CWC27: variants seen among roughly 807,000 people sequenced by gnomAD.
The protein encoded by CWC27 is spliceosome-associated protein CWC27 homolog.
CWC27 carries 47 observed loss-of-function variants against 63.6 expected under a neutral mutation model. That is an observed-to-expected ratio of 0.74 (90% CI 0.58 to 0.94). The LOEUF (loss-of-function observed/expected upper bound fraction) is 0.94, where lower values mean the gene tolerates loss of function less well. CWC27 is among the 40% of genes least tolerant of loss of function. The pLI, the probability that CWC27 is intolerant of heterozygous loss-of-function variation, is 0.00. For synonymous variants in CWC27, 175 were observed against 179.8 expected, an observed-to-expected ratio of 0.97 and a Z score of 0.22; for missense variants, 495 against 554.3, an observed-to-expected ratio of 0.89 and a Z score of 1.07.
chr5:64,823,081 A>G (rs1371230170), intron 10 of CWC27, among the ~76,000 whole-genome samples: 2 of 152,178 alleles, frequency 1.3e-5, no homozygotes, highest in Admixed American at 1.3e-4. Context: ...GAGTAAACCA[A>G]TTTTTCTGAA....
chr5:64,991,276 A>T (rs1329269547), intron 13 of CWC27, among the ~76,000 whole-genome samples: 1 of 151,892 alleles, frequency 6.6e-6, no homozygotes, highest in East Asian at 1.9e-4. Context: ...GTGGGTAGTA[A>T]CCTGCCAGAG....
At chr5:64,963,886 G>T (rs1318314721) in intron 11 of CWC27, among the ~76,000 whole-genome samples, 1 of 152,218 alleles carries the variant, frequency 6.6e-6, no homozygotes, top group Non-Finnish European at 1.5e-5. Flanking sequence ...GGGTATAACA[G>T]GAGGTGGTAT....
intron 12 of CWC27, among the ~76,000 whole-genome samples, chr5:64,974,167 G>C (rs1382834923): frequency 1.3e-5 from 2 of 151,972 alleles, no homozygotes; most frequent in Non-Finnish European, 2.9e-5. Flanking sequence ...GAGCCCAGTA[G>C]GTCGACGCTG....
chr5:65,018,573 T>C lies in CWC27; in HGVS notation c.*252T>C, dbSNP rs1750092143. 7.0e-6 allele frequency: 2 copies of C among 285,274 alleles called. No individual in the cohort carries two copies. Among genetic ancestry groups the C allele is most frequent in the Admixed American group, 1.1e-4 (2 of 18,724 alleles). 17.7% of individuals were successfully genotyped at this position (285,274 alleles called of 1,614,324 possible). ...AAATCTGAAATAAAATAACTTTCCTTCCACATTACATGTTAACCATTGCAG... is the reference window on the plus strand; with the variant it reads ...AAATCTGAAATAAAATAACTTTCCTCCCACATTACATGTTAACCATTGCAG... On this transcript the variant is annotated 3_prime_UTR_variant, in exon 14 of 14. Coordinates refer to ENST00000381070, the MANE Select transcript of CWC27 (RefSeq NM_005869.4).
At chr5:64,807,504 A>G (rs1744724288) in intron 10 of CWC27, 1 of 1,399,588 alleles carries the variant, frequency 7.1e-7, no homozygotes, top group African/African-American at 1.5e-5. Context: ...CTCTCCTTAG[A>G]GAATCGGCAC....
intron 8 of CWC27, among the ~76,000 whole-genome samples, chr5:64,800,947 C>G (rs1744465483): frequency 6.6e-6 from 1 of 151,992 alleles, no homozygotes; most frequent in African/African-American, 2.4e-5. Flanking sequence ...TTCTTAATAC[C>G]CTTCTATTTG....
chr5:64,782,113 A>G, intron 3 of CWC27, 80 bp downstream of exon 3: 1 of 717,850 alleles, frequency 1.4e-6, no homozygotes, highest in Non-Finnish European at 2.2e-6. Context: ...TTAATCGAAA[A>G]TGATTGTGTT....
chr5:64,843,217 A>G (rs1745891116), intron 10 of CWC27, among the ~76,000 whole-genome samples: 1 of 152,240 alleles, frequency 6.6e-6, no homozygotes, highest in African/African-American at 2.4e-5. Flanking sequence ...GAACTCTGAG[A>G]TTTTCTAAGA....
At position 64,985,082 on chromosome 5, in the gene CWC27, G is replaced by A. The variant is rs573416178; in HGVS notation, c.1256+7844G>A. 1.1e-3 allele frequency among the ~76,000 whole-genome samples: 172 copies of A among 152,238 alleles called. 2 individuals carry two copies. The highest frequency in any genetic ancestry group is 4.0e-3 in the African/African-American group (166 of 41,548). ...TTTGCAATTTTGTCAAACACAGTTG[G>A]CTATATTAATATGGGTCTTTTCTTG... On this transcript the variant is annotated intron_variant, in intron 13 of 13. Coordinates refer to ENST00000381070, the MANE Select transcript of CWC27 (RefSeq NM_005869.4).
chr5:64,979,199 C>T (rs1426254989), intron 13 of CWC27, among the ~76,000 whole-genome samples: 1 of 152,120 alleles, frequency 6.6e-6, no homozygotes, highest in African/African-American at 2.4e-5. Flanking sequence ...GGCTAATTCT[C>T]CATTGGGAGA....
Position 64,781,948 on chromosome 5 carries a change from G to T in CWC27, c.167G>T (p.Arg56Ile). Residue 56 changes from arginine (R) to isoleucine (I), a missense_variant, in exon 3 of 14, where the codon AGA becomes ATA. Transcript: ENST00000381070. ...TATTATGACAATACCATTTTTCATA[G>T]AGTTGTGCCTGGTTTCATAGTCCAA... ...EAYYDNTIFH[R>I]VVPGFIVQGG... 6.3e-7 allele frequency: 1 copy of T among 1,589,642 alleles called. No individual in the cohort carries two copies. The highest frequency in any genetic ancestry group is 8.6e-7 in the Non-Finnish European group (1 of 1,163,496).
At chr5:64,974,365 G>A (rs1367534463) in intron 12 of CWC27, among the ~76,000 whole-genome samples, 3 of 152,186 alleles carry the variant, frequency 2.0e-5, no homozygotes, top group Non-Finnish European at 2.9e-5. Flanking sequence ...GTTCCACCTG[G>A]CTGAGGAGGT....
At chr5:64,874,154 C>CTTTTTTTTTTTTTTTTT (rs748768571) in intron 10 of CWC27, among the ~76,000 whole-genome samples, 2 of 48,776 alleles carry the variant, frequency 4.1e-5, no homozygotes, top group African/African-American at 8.6e-5. Flanking sequence ...ATTGTTGATG[C>CTTTTTTTTTTTTTTTTT]TTTTTTTTTT....
chr5:64,845,199 C>T (rs548882439), intron 10 of CWC27, among the ~76,000 whole-genome samples: 1 of 152,214 alleles, frequency 6.6e-6, no homozygotes, highest in Admixed American at 6.5e-5. Flanking sequence ...GGGATCATCA[C>T]CAGCTGGCCC....
At chr5:64,936,038 T>C (rs553310013) in intron 11 of CWC27, among the ~76,000 whole-genome samples, 1 of 152,332 alleles carries the variant, frequency 6.6e-6, no homozygotes, top group African/African-American at 2.4e-5. Context: ...AATCATGTCA[T>C]CTACAAACAG....
intron 3 of CWC27, 83 bp downstream of exon 3, chr5:64,782,116 A>C: frequency 1.4e-6 from 1 of 697,608 alleles, no homozygotes; most frequent in East Asian, 3.0e-5. Flanking sequence ...ATCGAAAATG[A>C]TTGTGTTCCA....
intron 10 of CWC27, among the ~76,000 whole-genome samples, chr5:64,856,198 A>G (rs1051796423): frequency 4.6e-5 from 7 of 152,098 alleles, no homozygotes; most frequent in Non-Finnish European, 8.8e-5. Context: ...CTAGCACCTA[A>G]TATCAATATC....
At chr5:64,828,375 C>G (rs1745424707) in intron 10 of CWC27, among the ~76,000 whole-genome samples, 1 of 152,020 alleles carries the variant, frequency 6.6e-6, no homozygotes, top group South Asian at 2.1e-4. Context: ...GTGTCTTAGT[C>G]CGTTTGGACT....
intron 7 of CWC27, among the ~76,000 whole-genome samples, chr5:64,799,587 AAT>A (rs535986626): frequency 5.0e-4 from 38 of 75,716 alleles, no homozygotes; most frequent in African/African-American, 1.8e-3. Context: ...TCCATCTCAA[AAT>A]ATATATATAT....
Sources: gnomAD v4.1 joint callset for allele counts (sites outside exome capture counted in the v4.1 genomes callset) on GRCh38, gnomAD v4.1.1 for gene constraint, MANE v1.5 for transcripts, NCBI Gene and HGNC (gene_info 2026-07-23, HGNC 2026-07-21) for gene names.